The following TSPAN4 variants were observed in gnomAD, a reference collection of about 807,000 sequenced individuals.
The protein encoded by TSPAN4 is tetraspanin 4, also known as tetraspanin-4.
A neutral mutation model predicts 31.5 loss-of-function variants in TSPAN4; 38 were observed. The observed-to-expected ratio is 1.21, with a 90% CI of 0.93 to 1.58. The LOEUF (loss-of-function observed/expected upper bound fraction) is 1.58. TSPAN4 is among the 40% of genes most tolerant of loss of function. TSPAN4 has a pLI of 0.00. For synonymous variants in TSPAN4, 186 were observed against 144.6 expected (o/e 1.29, Z -2.06); for missense variants, 330 against 317.3 (o/e 1.04, Z -0.30).
intron 2 of TSPAN4, chr11:850,071 C>T: frequency 2.6e-6 from 1 of 389,750 alleles, no homozygotes; most frequent in Non-Finnish European, 4.6e-6. Flanking sequence ...CCGGCGCAGC[C>T]CCTCTCCGGA....
chr11:856,513 A>G (rs977293199), intron 3 of TSPAN4, among the ~76,000 whole-genome samples: 2 of 152,218 alleles, frequency 1.3e-5, no homozygotes, highest in Admixed American at 1.3e-4. Flanking sequence ...CCCAGCTGTC[A>G]TGGGGCGGGG....
Position 866,583 on chromosome 11 carries a change from A to C in TSPAN4, c.670A>C (p.Met224Leu), listed in dbSNP as rs778971924. ...LVQILGLTFA[M>L]TMYCQVVKAD... ...ACAGATCCTGGGCCTGACCTTCGCC[A>C]TGACCATGTACTGCCAAGTGGTCAA... Residue 224 changes from methionine to leucine, a missense_variant, in exon 9 of 9, where the codon ATG becomes CTG. Transcript: ENST00000397397. 1.9e-6 allele frequency: 3 copies of C among 1,613,518 alleles called. No individual in the cohort carries two copies. Among genetic ancestry groups the C allele is most frequent in the Non-Finnish European group, 2.5e-6 (3 of 1,179,836 alleles).
intron 7 of TSPAN4, 27 bp downstream of exon 7, chr11:865,852 T>G (rs752540277): frequency 1.2e-6 from 2 of 1,612,218 alleles, no homozygotes; most frequent in South Asian, 2.2e-5. Flanking sequence ...CCCTGGGGGC[T>G]GGTAGGGGCC....
In TSPAN4 at chr11:848,768, A is replaced by C; in HGVS notation, c.-18+1468A>C. ...TGGGCCACGTGCTGATATCTTCCCA[A>C]CACCGCAGGGCCCTTGTGCCCTGTG... On this transcript the variant is annotated intron_variant, in intron 2 of 8. Coordinates refer to ENST00000397397, the MANE Select transcript of TSPAN4 (RefSeq NM_003271.5). This position sits in a 1 kb window ranked among gnomAD's most constrained non-coding sequence, Gnocchi z 5.7. The C allele has an allele frequency of 1.9e-6, 1 of 530,122 alleles. No individual in the cohort carries two copies. The highest frequency in any genetic ancestry group is 3.4e-6 in the Non-Finnish European group (1 of 293,468). The allele number at this position is 530,122 out of a possible 1,614,324, so 32.8% of individuals were successfully genotyped here.
At chr11:856,303 G>C (rs945866080) in intron 3 of TSPAN4, among the ~76,000 whole-genome samples, 30 of 152,228 alleles carry the variant, frequency 2.0e-4, no homozygotes, top group African/African-American at 6.5e-4. Flanking sequence ...CTGAGCCTGG[G>C]GCCTGGTATG....
chr11:862,740 C>T lies in TSPAN4; in HGVS notation c.254C>T (p.Thr85Ile), dbSNP rs777872312. The T allele has an allele frequency of 1.2e-6, 2 of 1,608,736 alleles. No individual in the cohort carries two copies. The highest frequency in any genetic ancestry group is 1.7e-6 in the Non-Finnish European group (2 of 1,177,578). The change falls in exon 4 of 9, where the codon ACT (threonine) becomes ATT (isoleucine). Residue 85 changes from threonine (T) to isoleucine (I), a missense_variant and splice_region_variant. Thr to Ile is a moderately conservative substitution (Grantham distance 89). Transcript: ENST00000397397. ...AAGGAGAACAAGTGCCTCCTGCTCA[C>T]TGTGAGTGCCGGGGCCCAAGCGATG... ...AIKENKCLLL[T>I]FFLLLLLVFL... is the part of the protein sequence containing the mutation.
Position 866,696 on chromosome 11 carries a change from C to T in TSPAN4, c.*66C>T. The stretch of plus-strand genomic sequence containing the variant: ...GGGAGATGGCCGCACCCACAGCTGC[C>T]TTTCCCACCACCAGCCTCGGTGCTC... On this transcript the variant is annotated 3_prime_UTR_variant, in exon 9 of 9. Coordinates refer to ENST00000397397, the MANE Select transcript of TSPAN4 (RefSeq NM_003271.5). 2.7e-6 allele frequency: 4 copies of T among 1,472,880 alleles called. No individual in the cohort carries two copies. The highest frequency in any genetic ancestry group is 3.7e-6 in the Non-Finnish European group (4 of 1,081,144). The allele number at this position is 1,472,880 out of a possible 1,614,324, so 91.2% of individuals were successfully genotyped here.
At chr11:860,143 T>C (rs1848371913) in intron 3 of TSPAN4, among the ~76,000 whole-genome samples, 1 of 152,324 alleles carries the variant, frequency 6.6e-6, no homozygotes. Flanking sequence ...GCGGAGATGC[T>C]ACCTCTGGAA....
chr11:855,751 C>T (rs1469414716), intron 3 of TSPAN4, among the ~76,000 whole-genome samples: 3 of 152,208 alleles, frequency 2.0e-5, no homozygotes, highest in Non-Finnish European at 4.4e-5. Context: ...ACTTGTCATC[C>T]CTGGAAACCA....
At chr11:849,541 G>C (rs1184541659) in intron 2 of TSPAN4, among the ~76,000 whole-genome samples, 1 of 152,158 alleles carries the variant, frequency 6.6e-6, no homozygotes, top group Non-Finnish European at 1.5e-5. Flanking sequence ...CGCGGGCTAA[G>C]AGCTGCCCAG....
intron 2 of TSPAN4, chr11:850,050 G>T (rs1264248699): frequency 6.7e-6 from 2 of 297,276 alleles, no homozygotes; most frequent in African/African-American, 2.2e-5. Flanking sequence ...CAGCACGGAC[G>T]AGTCCACGTA....
chr11:851,246 A>G (rs1847691518), intron 3 of TSPAN4, among the ~76,000 whole-genome samples: 1 of 152,090 alleles, frequency 6.6e-6, no homozygotes, highest in African/African-American at 2.4e-5. Flanking sequence ...GCCGAGGATG[A>G]CCTGGACCGG....
Position 848,697 on chromosome 11 carries a change from C to A in TSPAN4, c.-18+1397C>A. On this transcript the variant is annotated intron_variant, in intron 2 of 8. Transcript: ENST00000397397. This position sits in a 1 kb window ranked among gnomAD's most constrained non-coding sequence, Gnocchi z 5.7. ...TCCTCTCCCTCCTCTTCCTCCTGCC[C>A]TTCCTCATTCCCCACCTCTGGGCTT... 1 of 513,452 alleles carries A rather than the reference C, an allele frequency of 1.9e-6. No homozygotes were observed. Among genetic ancestry groups the A allele is most frequent in the Non-Finnish European group, 3.5e-6 (1 of 288,864 alleles). 31.8% of individuals were successfully genotyped at this position (513,452 alleles called of 1,614,324 possible). A position where few individuals can be genotyped will look rare whatever the true frequency, so the allele number is the denominator to read the frequency against.
chr11:843,273 T>A (rs1847074439), intron 1 of TSPAN4: 1 of 151,964 alleles, frequency 6.6e-6, no homozygotes, highest in Non-Finnish European at 1.5e-5. Flanking sequence ...CGCCGGCAGC[T>A]CCCCGCCCCG....
At chr11:862,252 G>C in intron 3 of TSPAN4, 1 of 411,340 alleles carries the variant, frequency 2.4e-6, no homozygotes, top group Non-Finnish European at 4.3e-6. Flanking sequence ...TTGGCTCCAG[G>C]CCAGGGGTTG....
In TSPAN4 at chr11:866,410, A is replaced by T. The variant is rs190525959; in HGVS notation, c.649-152A>T. The T allele has an allele frequency of 2.7e-3, 1,853 of 681,106 alleles. 56 individuals carry two copies. The Admixed American group carries it at 0.049, about 18-fold the overall frequency. The allele number at this position is 681,106 out of a possible 1,614,324, so 42.2% of individuals were successfully genotyped here. A position where few individuals can be genotyped will look rare whatever the true frequency, so the allele number is the denominator to read the frequency against. Reference sequence around the variant, plus strand: ...GCCACAGGGGTTGGGTGGGGCGTGCAAGCCACCAGGAAGCTGAAGGGCTCT... The same window carrying T: ...GCCACAGGGGTTGGGTGGGGCGTGCTAGCCACCAGGAAGCTGAAGGGCTCT... On this transcript the variant is annotated intron_variant, in intron 8 of 8. Transcript: ENST00000397397.
chr11:865,874 A>G (rs750087241), intron 7 of TSPAN4, 44 bp from the exon 8 acceptor site: 2 of 1,612,502 alleles, frequency 1.2e-6, no homozygotes, highest in Non-Finnish European at 8.5e-7. Flanking sequence ...AGAGGGCGGG[A>G]CCAGCAGGCC....
chr11:852,417 T>TG (rs1205821349), intron 3 of TSPAN4, among the ~76,000 whole-genome samples: 1 of 152,214 alleles, frequency 6.6e-6, no homozygotes, highest in African/African-American at 2.4e-5. Flanking sequence ...CAATTATTTT[T>TG]TATTAATCAA....
At position 866,813 on chromosome 11, in the gene TSPAN4, C is replaced by T. The variant is rs1004366777; in HGVS notation, c.*183C>T. The T allele has an allele frequency of 3.2e-6, 2 of 617,188 alleles. No homozygotes were observed. The highest frequency in any genetic ancestry group is 2.7e-6 in the Non-Finnish European group (1 of 370,584). 38.2% of individuals were successfully genotyped at this position (617,188 alleles called of 1,614,324 possible). A position where few individuals can be genotyped will look rare whatever the true frequency, so the allele number is the denominator to read the frequency against. ...GGCCCTAGCTCAGGTGGCTTCAGGG[C>T]CTCCGGACCCCCCCTGGGAGGGGTG... is the stretch of plus-strand genomic sequence containing the variant. On this transcript the variant is annotated 3_prime_UTR_variant, in exon 9 of 9. Transcript: ENST00000397397.
Sources: gnomAD v4.1 joint callset for allele counts (sites outside exome capture counted in the v4.1 genomes callset) on GRCh38, gnomAD v4.1.1 for gene constraint, Gnocchi (gnomAD v3.1) non-coding constraint, MANE v1.5 for transcripts, NCBI Gene and HGNC (gene_info 2026-07-23, HGNC 2026-07-21) for gene names.